Variants in SLC15A4 observed in about 807,000 individuals in gnomAD.
The protein encoded by SLC15A4 is solute carrier family 15 member 4, also known as hPHT1.
SLC15A4 carries 26 observed loss-of-function variants against 46.1 expected under a neutral mutation model. That is an observed-to-expected ratio of 0.56 (90% confidence interval 0.41 to 0.78). The LOEUF (loss-of-function observed/expected upper bound fraction) is 0.78, where lower values mean the gene tolerates loss of function less well. SLC15A4 is among the 30% of genes least tolerant of loss of function. The pLI is 0.00. For synonymous variants in SLC15A4, 370 were observed against 333.4 expected (o/e 1.11, Z -1.20); for missense variants, 751 against 755.7 (o/e 0.99, Z 0.07).
Position 128,808,770 on chromosome 12 carries a change from G to GAGC in SLC15A4, c.1258+15_1258+17dup, listed in dbSNP as rs1416750572. ...CTGCAGTCGGGCCTGAGGAGGAACG[G>GAGC]AGCAGAATGCCTCTTACCTGCAGCA... On this transcript the variant is annotated intron_variant, in intron 5 of 7. Transcript: ENST00000266771. The GAGC allele has an allele frequency of 6.2e-7, 1 of 1,613,168 alleles. No individual in the cohort carries two copies. The highest frequency in any genetic ancestry group is 1.7e-5 in the Admixed American group (1 of 59,904).
At chr12:128,797,999 A>G (rs1049657353) in intron 7 of SLC15A4, among the ~76,000 whole-genome samples, 10 of 152,242 alleles carry the variant, frequency 6.6e-5, no homozygotes, top group African/African-American at 2.4e-4. Context: ...ACGCCCTGAG[A>G]GCACCAATGC....
Position 128,794,294 on chromosome 12 carries a change from T to A in SLC15A4, c.1636A>T (p.Thr546Ser), listed in dbSNP as rs768736819. Reference sequence around the variant, plus strand: ...GAAATAATGAGGAAAAGCAGGAGGGTAGCTCCTTGAATAGCAGCCAGAAGA... The same window carrying A: ...GAAATAATGAGGAAAAGCAGGAGGGAAGCTCCTTGAATAGCAGCCAGAAGA... The part of the protein sequence containing the change: ...FFLLAAIQGA[T>S]LLLFLIISVK... The change falls in exon 8 of 8, where the codon ACC becomes TCC. Residue 546 changes from threonine (T) to serine (S), a missense_variant. Thr to Ser is a moderately conservative substitution (Grantham distance 58, BLOSUM62 1). Coordinates refer to ENST00000266771, the MANE Select transcript of SLC15A4 (RefSeq NM_145648.4). 6.2e-7 allele frequency: 1 copy of A among 1,613,568 alleles called. No homozygotes were observed. The highest frequency in any genetic ancestry group is 1.1e-5 in the South Asian group (1 of 91,056).
At position 128,794,326 on chromosome 12, in the gene SLC15A4, T is replaced by G; in HGVS notation, c.1604A>C (p.Tyr535Ser). 1 of 1,612,928 alleles carries G rather than the reference T, an allele frequency of 6.2e-7. No homozygotes were observed. The highest frequency in any genetic ancestry group is 8.5e-7 in the Non-Finnish European group (1 of 1,179,548). ...GNINGCYLNY[Y>S]FFLLAAIQGA... is the part of the protein sequence containing the mutation. ...TTGAATAGCAGCCAGAAGAAAAAAG[T>G]AATAGTTCAAATAGCAGCCGTTAAT... The change falls in exon 8 of 8, where the codon TAC becomes TCC. Residue 535 changes from tyrosine to serine, a missense_variant. Transcript: ENST00000266771.
Position 128,811,227 on chromosome 12 carries a change from C to T in SLC15A4, c.843-1116G>A, listed in dbSNP as rs1955652542. On this transcript the variant is annotated intron_variant, in intron 2 of 7. Transcript: ENST00000266771. Reference sequence around the variant, plus strand: ...CAGAAGTACCAGGAGAGAGTTAATTCCCAATAAGATTGTGTTTAACTGTGG... The same window carrying T: ...CAGAAGTACCAGGAGAGAGTTAATTTCCAATAAGATTGTGTTTAACTGTGG... 1.3e-5 allele frequency among the ~76,000 whole-genome samples: 2 copies of T among 152,304 alleles called. 1 individual carries two copies. Among genetic ancestry groups the T allele is most frequent in the East Asian group, 3.9e-4 (2 of 5,190 alleles).
At chr12:128,810,615 A>G (rs1955644634) in intron 2 of SLC15A4, among the ~76,000 whole-genome samples, 1 of 152,028 alleles carries the variant, frequency 6.6e-6, no homozygotes, top group African/African-American at 2.4e-5. Flanking sequence ...GTTTAAACTG[A>G]GTCACTGGCA....
In SLC15A4 at chr12:128,823,846, C is replaced by G; in HGVS notation, c.98G>C (p.Arg33Pro). The G allele has an allele frequency of 7.7e-7, 1 of 1,298,070 alleles. No individual in the cohort carries two copies. The highest frequency in any genetic ancestry group is 1.9e-5 in the South Asian group (1 of 53,056). The allele number at this position is 1,298,070 out of a possible 1,614,324, so 80.4% of individuals were successfully genotyped here. The change falls in exon 1 of 8, where the codon CGG (arginine) becomes CCG (proline). Residue 33 changes from arginine to proline, a missense_variant. By Grantham distance (103) the Arg-to-Pro change is moderately radical (BLOSUM62 -2). Coordinates refer to ENST00000266771, the MANE Select transcript of SLC15A4 (RefSeq NM_145648.4). ...AAAAAGAFAG[R>P]RAACGAVLLT... ...CAGCACGGCCCCGCACGCCGCGCGC[C>G]GGCCCGCGAACGCCCCAGCCGCCGC...
rs1249422505 is a variant in SLC15A4 at position 128,800,937 on chromosome 12, T to C, written c.1331A>G (p.Tyr444Cys). The change falls in exon 6 of 8, where the codon TAC becomes TGC. Residue 444 changes from tyrosine (Y) to cysteine (C), a missense_variant. Transcript: ENST00000266771. Reference sequence around the variant, plus strand: ...CCACAGCGACAGATCGGCAGCATGGTAGACGACGTTGCCGATGGTCTGATT... The same window carrying C: ...CCACAGCGACAGATCGGCAGCATGGCAGACGACGTTGCCGATGGTCTGATT... The part of the protein sequence containing the change: ...TINQTIGNVV[Y>C]HAADLSLWWQ... 3 of 1,614,228 alleles carry C rather than the reference T, an allele frequency of 1.9e-6. No individual in the cohort carries two copies. The highest frequency in any genetic ancestry group is 1.7e-5 in the Admixed American group (1 of 60,016).
At chr12:128,796,017 G>A (rs907822781) in intron 7 of SLC15A4, among the ~76,000 whole-genome samples, 10 of 152,224 alleles carry the variant, frequency 6.6e-5, no homozygotes, top group Non-Finnish European at 1.0e-4. Context: ...TTTAAAAAGT[G>A]AGACTTCCTT....
chr12:128,815,212 A>C, intron 1 of SLC15A4, 142 bp from the exon 2 acceptor site: 1 of 767,042 alleles, frequency 1.3e-6, no homozygotes, highest in Non-Finnish European at 2.1e-6. Flanking sequence ...GTTTACAGAA[A>C]CATTCACGGA....
At chr12:128,804,356 C>A (rs1406125185) in intron 5 of SLC15A4, among the ~76,000 whole-genome samples, 2 of 152,324 alleles carry the variant, frequency 1.3e-5, no homozygotes, top group East Asian at 3.9e-4. Flanking sequence ...TCAAAGCACA[C>A]AAGAACTGAC....
In SLC15A4 at chr12:128,810,096, G is replaced by C. The variant is rs1338162531; in HGVS notation, c.858C>G (p.Val286=). ...ERQSNGEGIG[V]FQQSSKQSLF... is the part of the protein sequence containing the mutation. ...GACTTTGTTTAGAAGATTGCTGAAA[G>C]ACTCCAATGCCTTCACTTTGGGAAA... Residue 286 remains valine (V), a synonymous_variant, in exon 3 of 8, where the codon GTC becomes GTG. Coordinates refer to ENST00000266771, the MANE Select transcript of SLC15A4 (RefSeq NM_145648.4). 6.2e-7 allele frequency: 1 copy of C among 1,613,590 alleles called. No individual in the cohort carries two copies. The highest frequency in any genetic ancestry group is 8.5e-7 in the Non-Finnish European group (1 of 1,179,888).
Position 128,799,390 on chromosome 12 carries a change from G to A in SLC15A4, c.1442C>T (p.Pro481Leu), listed in dbSNP as rs768453258. Reference sequence around the variant, plus strand: ...CATTATGGCACTCTGCATGGACTTGGGGGCAGCTGAGTATGCAAATTCCAG... The same window carrying A: ...CATTATGGCACTCTGCATGGACTTGAGGGCAGCTGAGTATGCAAATTCCAG... The part of the protein sequence containing the change: ...AGLEFAYSAA[P>L]KSMQSAIMGL... The change falls in exon 7 of 8, where the codon CCC becomes CTC. Residue 481 changes from proline to leucine, a missense_variant. Coordinates refer to ENST00000266771, the MANE Select transcript of SLC15A4 (RefSeq NM_145648.4). 6.2e-7 allele frequency: 1 copy of A among 1,614,174 alleles called. No individual in the cohort carries two copies. The highest frequency in any genetic ancestry group is 1.1e-5 in the South Asian group (1 of 91,074).
At chr12:128,809,663 GAAAA>G (rs1955630422) in intron 3 of SLC15A4, 190 bp from the exon 4 acceptor site, 2 of 547,276 alleles carry the variant, frequency 3.7e-6, no homozygotes, top group Non-Finnish European at 6.4e-6. Flanking sequence ...GATCAATTTT[GAAAA>G]AGAATGGCCA....
At chr12:128,810,294 A>T (rs1383085499) in intron 2 of SLC15A4, 183 bp from the exon 3 acceptor site, 2 of 585,044 alleles carry the variant, frequency 3.4e-6, no homozygotes, top group African/African-American at 1.9e-5. Context: ...ATGTCACAGA[A>T]TGTACTGAAA....
At chr12:128,799,237 G>C (rs1377240389) in intron 7 of SLC15A4, 22 bp downstream of exon 7, 2 of 1,611,416 alleles carry the variant, frequency 1.2e-6, no homozygotes, top group Non-Finnish European at 1.7e-6. Context: ...ATTTTCAAAA[G>C]GGACAGGATG....
At chr12:128,810,295 T>C in intron 2 of SLC15A4, 184 bp from the exon 3 acceptor site, 1 of 587,012 alleles carries the variant, frequency 1.7e-6, no homozygotes, top group East Asian at 3.1e-5. Flanking sequence ...TGTCACAGAA[T>C]GTACTGAAAC....
intron 5 of SLC15A4, 22 bp downstream of exon 5, chr12:128,808,766 A>G: frequency 6.2e-7 from 1 of 1,612,578 alleles, no homozygotes; most frequent in South Asian, 1.1e-5. Context: ...CCTGAGGAGG[A>G]ACGGAGCAGA....
chr12:128,798,830 G>A (rs530210996), intron 7 of SLC15A4, among the ~76,000 whole-genome samples: 1 of 152,138 alleles, frequency 6.6e-6, no homozygotes, highest in South Asian at 2.1e-4. Context: ...TGTCTTTTTC[G>A]TATCAGAAAA....
chr12:128,800,842 A>G lies in SLC15A4; in HGVS notation c.1414+12T>C. The G allele has an allele frequency of 6.2e-7, 1 of 1,604,556 alleles. No homozygotes were observed. Among genetic ancestry groups the G allele is most frequent in the Non-Finnish European group, 8.5e-7 (1 of 1,175,416 alleles). Reference sequence around the variant, plus strand: ...CCTGGACTCAGACACCTCCGGCACTAAAGGTCCTCACCTGCGATACTTGCA... The same window carrying G: ...CCTGGACTCAGACACCTCCGGCACTGAAGGTCCTCACCTGCGATACTTGCA... On this transcript the variant is annotated intron_variant, in intron 6 of 7. Coordinates refer to ENST00000266771, the MANE Select transcript of SLC15A4 (RefSeq NM_145648.4).
Sources: gnomAD v4.1 joint callset for allele counts (sites outside exome capture counted in the v4.1 genomes callset) on GRCh38, gnomAD v4.1.1 for gene constraint, MANE v1.5 for transcripts, NCBI Gene and HGNC (gene_info 2026-07-23, HGNC 2026-07-21) for gene names.